Variants in CDH18 observed in about 807,000 individuals in gnomAD.
CDH18 encodes cadherin 18, also known as cadherin-18.
In CDH18, 31 loss-of-function variants were observed where a neutral mutation model predicts 67.9. That is an observed-to-expected ratio of 0.46 (90% confidence interval 0.34 to 0.62). The LOEUF (loss-of-function observed/expected upper bound fraction) is 0.62. CDH18 is among the 20% of genes least tolerant of loss of function. CDH18 has a pLI of 0.01. For synonymous variants in CDH18, 362 were observed against 347.2 expected (o/e 1.04, Z -0.48); for missense variants, 890 against 975.5 (o/e 0.91, Z 1.17).
At chr5:20,311,538 C>G (rs1028551668) in intron 1 of CDH18, among the ~76,000 whole-genome samples, 4 of 152,044 alleles carry the variant, frequency 2.6e-5, no homozygotes, top group African/African-American at 9.7e-5. Flanking sequence ...AGCAAACTAT[C>G]GCTAGAACAG....
chr5:20,244,910 T>C (rs1422657301), intron 2 of CDH18, among the ~76,000 whole-genome samples: 1 of 152,146 alleles, frequency 6.6e-6, no homozygotes, highest in African/African-American at 2.4e-5. Flanking sequence ...TTCTTTATTC[T>C]ATTCAGCCTT....
chr5:20,333,528 TACACACAC>T lies in CDH18; in HGVS notation c.-579-78031_-579-78024del, dbSNP rs10658368. ...CTCAAAAAAAAAAAAACAATATATA[TACACACAC>T]ACACACACACACACATATATGTATA... On this transcript the variant is annotated intron_variant, in intron 1 of 14. Transcript: ENST00000507958. 7.9e-3 allele frequency among the ~76,000 whole-genome samples: 1,082 copies of T among 136,840 alleles called. 8 individuals are homozygous for T. Among genetic ancestry groups the T allele is most frequent in the Middle Eastern group, 0.02 (5 of 256 alleles). 89.8% of individuals were successfully genotyped at this position (136,840 alleles called of 152,430 possible).
At chr5:19,719,568 A>T (rs1172602382) in intron 5 of CDH18, among the ~76,000 whole-genome samples, 1 of 152,004 alleles carries the variant, frequency 6.6e-6, no homozygotes, top group Admixed American at 6.6e-5. Context: ...ATAAATATGT[A>T]CATTTTTGTG....
chr5:19,933,645 A>G (rs998154585), intron 2 of CDH18, among the ~76,000 whole-genome samples: 1 of 151,500 alleles, frequency 6.6e-6, no homozygotes, highest in Non-Finnish European at 1.5e-5. Flanking sequence ...CCATTGTTCA[A>G]TCCAATAGTT....
chr5:19,744,081 G>A (rs1769626018), intron 4 of CDH18, among the ~76,000 whole-genome samples: 2 of 151,812 alleles, frequency 1.3e-5, no homozygotes, highest in South Asian at 2.1e-4. Flanking sequence ...TGAATGCTAT[G>A]TATTTGTTTT....
intron 3 of CDH18, among the ~76,000 whole-genome samples, chr5:19,749,159 T>C (rs986875616): frequency 6.6e-6 from 1 of 152,024 alleles, no homozygotes; most frequent in Admixed American, 6.6e-5. Flanking sequence ...AAAGTGTCAA[T>C]AGAGAAACCT....
intron 2 of CDH18, among the ~76,000 whole-genome samples, chr5:19,919,471 T>C (rs1416537933): frequency 6.6e-6 from 1 of 152,174 alleles, no homozygotes; most frequent in Non-Finnish European, 1.5e-5. Context: ...GCCCATAACC[T>C]GTGGGATCTG....
chr5:19,710,770 T>A (rs1764607375), intron 5 of CDH18, among the ~76,000 whole-genome samples: 1 of 152,128 alleles, frequency 6.6e-6, no homozygotes, highest in African/African-American at 2.4e-5. Flanking sequence ...GTTTTGTAGT[T>A]AAAGTTAGAT....
At chr5:20,406,784 A>G (rs1030581542) in intron 1 of CDH18, among the ~76,000 whole-genome samples, 2 of 152,194 alleles carry the variant, frequency 1.3e-5, no homozygotes, top group Admixed American at 6.5e-5. Context: ...TCTTCTTCCC[A>G]TAGACACACC....
intron 2 of CDH18, among the ~76,000 whole-genome samples, chr5:20,060,578 A>C (rs1391949585): frequency 1.3e-5 from 2 of 152,200 alleles, no homozygotes; most frequent in African/African-American, 4.8e-5. Flanking sequence ...ACTAACTTTG[A>C]AATTGAAAAA....
At chr5:20,075,787 G>T (rs10434604) in intron 2 of CDH18, among the ~76,000 whole-genome samples, 2 of 151,954 alleles carry the variant, frequency 1.3e-5, no homozygotes, top group African/African-American at 4.8e-5. Flanking sequence ...TGATAATTTA[G>T]GTTGTGATTA....
chr5:20,369,556 A>G (rs1742812598), intron 1 of CDH18, among the ~76,000 whole-genome samples: 4 of 152,206 alleles, frequency 2.6e-5, no homozygotes, highest in Admixed American at 2.0e-4. Context: ...GATGGTTAAT[A>G]CCACCGCAGT....
At chr5:19,771,792 G>A (rs1363518951) in intron 3 of CDH18, among the ~76,000 whole-genome samples, 1 of 152,130 alleles carries the variant, frequency 6.6e-6, no homozygotes, top group Non-Finnish European at 1.5e-5. Flanking sequence ...TAGGCCAAAC[G>A]AAACTAAGCT....
intron 5 of CDH18, among the ~76,000 whole-genome samples, chr5:19,660,936 T>C (rs1757073213): frequency 6.6e-6 from 1 of 151,862 alleles, no homozygotes; most frequent in Non-Finnish European, 1.5e-5. Context: ...TGGTAATTTG[T>C]TAAGCAACAA....
At chr5:19,489,711 A>G (rs1459200197) in intron 11 of CDH18, among the ~76,000 whole-genome samples, 1 of 152,206 alleles carries the variant, frequency 6.6e-6, no homozygotes, top group Non-Finnish European at 1.5e-5. Flanking sequence ...AAATTGTTCA[A>G]TCTTTCTTTG....
chr5:20,285,660 A>T (rs1746645717), intron 1 of CDH18, among the ~76,000 whole-genome samples: 1 of 151,464 alleles, frequency 6.6e-6, no homozygotes, highest in Non-Finnish European at 1.5e-5. Flanking sequence ...TGTGGAGGCC[A>T]GTTGCTTGTA....
At chr5:19,676,636 C>T (rs546388260) in intron 5 of CDH18, among the ~76,000 whole-genome samples, 3 of 152,060 alleles carry the variant, frequency 2.0e-5, no homozygotes, top group South Asian at 4.2e-4. Context: ...CAGGCGTGCA[C>T]ATTAAGAGAA....
rs539775227 is a variant in CDH18, at chr5:19,658,263, C to T, written c.644-45662G>A. Among the ~76,000 whole-genome samples, 14 of 152,096 alleles carry T rather than the reference C, an allele frequency of 9.2e-5. No individual in the cohort carries two copies. The South Asian group carries it at 2.7e-3, about 29-fold the overall frequency. ...TGATCTTTCCTTCAAAGAATTATAG[C>T]ATGTCTATCTCATGTCAACACATAA... On this transcript the variant is annotated intron_variant, in intron 5 of 12. Coordinates refer to ENST00000382275, the MANE Select transcript of CDH18 (RefSeq NM_004934.5).
intron 11 of CDH18, among the ~76,000 whole-genome samples, chr5:19,496,948 T>A (rs1561199034): frequency 6.6e-6 from 1 of 151,480 alleles, no homozygotes; most frequent in Non-Finnish European, 1.5e-5. Flanking sequence ...AGACAACAAA[T>A]GATCTTAGAG....
Sources: gnomAD v4.1 joint callset for allele counts (sites outside exome capture counted in the v4.1 genomes callset) on GRCh38, gnomAD v4.1.1 for gene constraint, MANE v1.5 for transcripts, NCBI Gene and HGNC (gene_info 2026-07-23, HGNC 2026-07-21) for gene names.